ATP2C1: variants seen among roughly 807,000 people sequenced by gnomAD.
ATP2C1 encodes the protein ATPase secretory pathway Ca2+ transporting 1, also known as calcium-transporting ATPase type 2C member 1.
Under a neutral mutation model 120.5 loss-of-function variants are expected in ATP2C1, and 31 were observed. The ratio of observed to expected loss-of-function variants is 0.26; its 90% confidence interval spans 0.19 to 0.35. The LOEUF is 0.35. Ranked by LOEUF, ATP2C1 falls within the 10% of genes least tolerant of loss-of-function variation. The probability of loss-of-function intolerance (pLI) is 1.00; values close to 1 mark genes in which losing one functional copy is unlikely to be tolerated. For synonymous variants in ATP2C1, 351 were observed against 358.7 expected, an observed-to-expected ratio of 0.98 and a Z score of 0.24; for missense variants, 731 against 1,107.5, an observed-to-expected ratio of 0.66 and a Z score of 4.83.
intron 1 of ATP2C1, among the ~76,000 whole-genome samples, chr3:130,867,434 C>G (rs1012861352): frequency 7.6e-5 from 11 of 145,322 alleles, no homozygotes; most frequent in Non-Finnish European, 1.5e-4. Flanking sequence ...CTCAGCCTGC[C>G]GAGTGCCGCC....
At chr3:130,973,700 C>T (rs2061427184) in intron 17 of ATP2C1, among the ~76,000 whole-genome samples, 1 of 152,064 alleles carries the variant, frequency 6.6e-6, no homozygotes, top group South Asian at 2.1e-4. Flanking sequence ...TGGACTGCTG[C>T]TAAGTAACAG....
chr3:130,947,889 A>C (rs969392802), intron 8 of ATP2C1, among the ~76,000 whole-genome samples: 8 of 152,130 alleles, frequency 5.3e-5, no homozygotes, highest in Admixed American at 4.6e-4. Context: ...GATTACAATG[A>C]ACATCCTAAT....
chr3:130,851,030 G>T, intron 1 of ATP2C1: 1 of 596,300 alleles, frequency 1.7e-6, no homozygotes, highest in South Asian at 5.2e-5. Flanking sequence ...CATGTTTATA[G>T]GTACAGGTCA....
chr3:130,862,214 A>G (rs974315090), intron 1 of ATP2C1, among the ~76,000 whole-genome samples: 1 of 150,320 alleles, frequency 6.7e-6, no homozygotes, highest in African/African-American at 2.4e-5. Flanking sequence ...CAGTCTCCTG[A>G]CCTCGTGATC....
At chr3:130,981,004 C>A (rs912681371) in intron 20 of ATP2C1, among the ~76,000 whole-genome samples, 1 of 152,134 alleles carries the variant, frequency 6.6e-6, no homozygotes, top group African/African-American at 2.4e-5. Context: ...ATACTTCTTA[C>A]TCTTTTGTTC....
intron 2 of ATP2C1, among the ~76,000 whole-genome samples, chr3:130,910,355 A>G (rs1266054447): frequency 1.2e-4 from 18 of 146,706 alleles, no homozygotes; most frequent in Non-Finnish European, 1.8e-4. Flanking sequence ...GGGCTGAGAC[A>G]ATGGGGTTTT....
At chr3:130,939,150 C>T (rs1020961837) in intron 6 of ATP2C1, among the ~76,000 whole-genome samples, 2 of 152,068 alleles carry the variant, frequency 1.3e-5, no homozygotes, top group Admixed American at 6.6e-5. Flanking sequence ...AAGTAAAAAT[C>T]CTCTCCAAAA....
chr3:130,857,304 C>T (rs115827802), intron 1 of ATP2C1, among the ~76,000 whole-genome samples: 143 of 152,278 alleles, frequency 9.4e-4, no homozygotes, highest in African/African-American at 3.3e-3. Context: ...TTGTCAGCAA[C>T]CACCCTCATG....
intron 22 of ATP2C1, among the ~76,000 whole-genome samples, chr3:130,995,178 C>T (rs1638451971): frequency 1.3e-5 from 2 of 151,992 alleles, no homozygotes; most frequent in Non-Finnish European, 2.9e-5. Flanking sequence ...CTTTGGGAGG[C>T]TGAGGTGGAT....
chr3:130,919,273 A>G (rs2058838771), intron 2 of ATP2C1, among the ~76,000 whole-genome samples: 1 of 150,472 alleles, frequency 6.6e-6, no homozygotes, highest in Non-Finnish European at 1.5e-5. Flanking sequence ...CGCCGAGGCT[A>G]GAGTGCAATG....
intron 1 of ATP2C1, among the ~76,000 whole-genome samples, chr3:130,860,046 A>T (rs1343823588): frequency 6.6e-6 from 1 of 152,246 alleles, no homozygotes; most frequent in African/African-American, 2.4e-5. Context: ...ATGGTTTTTA[A>T]ATACTCTGTG....
intron 20 of ATP2C1, among the ~76,000 whole-genome samples, chr3:130,989,661 T>C (rs896716957): frequency 6.6e-6 from 1 of 152,242 alleles, no homozygotes; most frequent in African/African-American, 2.4e-5. Context: ...GAGTGTACTT[T>C]TGCTTCAATA....
intron 2 of ATP2C1, among the ~76,000 whole-genome samples, chr3:130,913,625 G>A (rs1016098411): frequency 6.6e-6 from 1 of 152,144 alleles, no homozygotes; most frequent in African/African-American, 2.4e-5. Flanking sequence ...TTTTTGGTGT[G>A]TGTATGGGGG....
intron 14 of ATP2C1, 92 bp from the exon 15 acceptor site, chr3:130,967,053 C>T: frequency 3.4e-6 from 3 of 889,526 alleles, no homozygotes; most frequent in Non-Finnish European, 5.8e-6. Flanking sequence ...ATAAAATGAA[C>T]AGAACTCATT....
chr3:130,980,367 C>T (rs1444516245), intron 19 of ATP2C1, among the ~76,000 whole-genome samples: 3 of 151,816 alleles, frequency 2.0e-5, no homozygotes, highest in Non-Finnish European at 4.4e-5. Flanking sequence ...CCTGAGCCAC[C>T]GTGGCCAGCC....
At chr3:131,011,067 A>C (rs1392359538) in intron 26 of ATP2C1, among the ~76,000 whole-genome samples, 1 of 152,196 alleles carries the variant, frequency 6.6e-6, no homozygotes, top group East Asian at 1.9e-4. Flanking sequence ...TCATTGATTT[A>C]TTTCCTTTTG....
chr3:130,995,960 A>C (rs1246097004), intron 22 of ATP2C1, 83 bp from the exon 23 acceptor site: 3 of 972,912 alleles, frequency 3.1e-6, no homozygotes, highest in Non-Finnish European at 4.9e-6. Flanking sequence ...TTTATTTTCA[A>C]AATTAGCTCT....
intron 1 of ATP2C1, among the ~76,000 whole-genome samples, chr3:130,860,979 A>G (rs919123421): frequency 1.3e-5 from 2 of 152,246 alleles, no homozygotes; most frequent in African/African-American, 4.8e-5. Flanking sequence ...AATCTGTATC[A>G]GGTTTCTCGA....
At position 130,979,438 on chromosome 3, in the gene ATP2C1, C is replaced by T; in HGVS notation, c.1741+19C>T. ...GCAATCGGTATAACTAGACTGCTTTCTTTTGTTTTCGATAGTTTTTCTTAA... is the reference window on the plus strand; with the variant it reads ...GCAATCGGTATAACTAGACTGCTTTTTTTTGTTTTCGATAGTTTTTCTTAA... On this transcript the variant is annotated intron_variant, in intron 19 of 27. Coordinates refer to ENST00000510168, the MANE Select transcript of ATP2C1 (RefSeq NM_001378687.1). 1 of 1,611,838 alleles carries T rather than the reference C, an allele frequency of 6.2e-7. No individual in the cohort carries two copies. Among genetic ancestry groups the T allele is most frequent in the Non-Finnish European group, 8.5e-7 (1 of 1,178,496 alleles).
Sources: gnomAD v4.1 joint callset for allele counts (sites outside exome capture counted in the v4.1 genomes callset) on GRCh38, gnomAD v4.1.1 for gene constraint, MANE v1.5 for transcripts, NCBI Gene and HGNC (gene_info 2026-07-23, HGNC 2026-07-21) for gene names.